Variants in LSAMP observed in about 807,000 individuals in gnomAD.
LSAMP encodes the protein limbic system-associated membrane protein.
LSAMP carries 7 observed loss-of-function variants against 38.6 expected under a neutral mutation model. That is an observed-to-expected ratio of 0.18 (90% CI 0.10 to 0.34). The LOEUF (loss-of-function observed/expected upper bound fraction) is 0.34. Among genes scored for constraint, LSAMP ranks in the 10% least tolerant of loss-of-function variants. The pLI is 1.00. For missense variants in LSAMP, 313 were observed against 420.0 expected (o/e 0.75, Z 2.23); for synonymous variants, 154 against 166.8 (o/e 0.92, Z 0.59).
At chr3:115,929,242 A>G (rs930440281) in intron 3 of LSAMP, among the ~76,000 whole-genome samples, 27 of 152,116 alleles carry the variant, frequency 1.8e-4, no homozygotes, top group Non-Finnish European at 3.2e-4. Flanking sequence ...TAAAACTCCA[A>G]ACTAACAAAA....
chr3:116,340,634 T>G (rs2047980158), intron 1 of LSAMP, among the ~76,000 whole-genome samples: 1 of 152,072 alleles, frequency 6.6e-6, no homozygotes, highest in African/African-American at 2.4e-5. Context: ...GTAGTATTTA[T>G]GTTAGAAAAA....
Position 116,089,351 on chromosome 3 carries a change from C to CT in LSAMP, c.156-2796dup, listed in dbSNP as rs559724566. Among the ~76,000 whole-genome samples the CT allele has an allele frequency of 2.3e-3, 351 of 152,038 alleles. 1 individual carries two copies. The highest frequency in any genetic ancestry group is 7.9e-3 in the African/African-American group (327 of 41,484). Reference sequence around the variant, plus strand: ...AATAGTATATTAGAATACACATATACTTTTTTTTGTTTTGTTTTGTTTTTG... The same window carrying CT: ...AATAGTATATTAGAATACACATATACTTTTTTTTTGTTTTGTTTTGTTTTTG... On this transcript the variant is annotated intron_variant, in intron 1 of 6. Transcript: ENST00000490035.
chr3:115,993,525 T>C (rs1042839500), intron 3 of LSAMP, among the ~76,000 whole-genome samples: 2 of 152,120 alleles, frequency 1.3e-5, no homozygotes, highest in African/African-American at 4.8e-5. Flanking sequence ...TTGAAATTTG[T>C]TCATAACTTG....
chr3:116,212,678 A>G (rs1002592244), intron 1 of LSAMP, among the ~76,000 whole-genome samples: 1 of 152,238 alleles, frequency 6.6e-6, no homozygotes, highest in African/African-American at 2.4e-5. Flanking sequence ...CCTTATAAAA[A>G]TCATCAAAAC....
At chr3:116,298,852 G>C (rs1576491586) in intron 1 of LSAMP, among the ~76,000 whole-genome samples, 1 of 152,082 alleles carries the variant, frequency 6.6e-6, no homozygotes, top group East Asian at 1.9e-4. Context: ...GGTCCTTATA[G>C]CAAGCAGAAG....
At chr3:116,343,368 A>G (rs146069168) in intron 1 of LSAMP, among the ~76,000 whole-genome samples, 2 of 152,262 alleles carry the variant, frequency 1.3e-5, no homozygotes, top group East Asian at 3.9e-4. Context: ...TAGATCTGCC[A>G]CTGACTGGCC....
At chr3:116,066,273 C>G (rs1158698443) in intron 2 of LSAMP, among the ~76,000 whole-genome samples, 1 of 152,094 alleles carries the variant, frequency 6.6e-6, no homozygotes, top group African/African-American at 2.4e-5. Context: ...TCCCAAATAC[C>G]ACATTTCCAA....
At chr3:115,925,043 G>A (rs1937467262) in intron 3 of LSAMP, among the ~76,000 whole-genome samples, 1 of 152,180 alleles carries the variant, frequency 6.6e-6, no homozygotes, top group Admixed American at 6.5e-5. Flanking sequence ...TTCCCTGCCT[G>A]TGGGGCTCAT....
chr3:115,955,612 G>A (rs1938429677), intron 3 of LSAMP, among the ~76,000 whole-genome samples: 1 of 140,764 alleles, frequency 7.1e-6, no homozygotes, highest in African/African-American at 2.5e-5. Context: ...AACTGCTGAT[G>A]GGTAAAGAAG....
intron 1 of LSAMP, among the ~76,000 whole-genome samples, chr3:116,440,195 A>G (rs1166214264): frequency 6.6e-6 from 1 of 152,204 alleles, no homozygotes; most frequent in African/African-American, 2.4e-5. Flanking sequence ...GCTGTAAATT[A>G]TGCCCTGGAG....
At chr3:115,975,050 GTGTTCCTGAGCCAATA>G (rs750269222) in intron 3 of LSAMP, among the ~76,000 whole-genome samples, 2 of 152,160 alleles carry the variant, frequency 1.3e-5, no homozygotes, top group Non-Finnish European at 2.9e-5. Context: ...ACATCTTGGA[GTGTTCCTGAGCCAATA>G]ATGAGATTGT....
intron 1 of LSAMP, among the ~76,000 whole-genome samples, chr3:116,390,982 T>A (rs1214578551): frequency 6.6e-6 from 1 of 152,104 alleles, no homozygotes; most frequent in Non-Finnish European, 1.5e-5. Flanking sequence ...GGGCTGCTGG[T>A]TTGTTCTAAC....
chr3:115,878,453 C>CTTTTTT (rs3087024), intron 3 of LSAMP, among the ~76,000 whole-genome samples: 5 of 55,538 alleles, frequency 9.0e-5, no homozygotes, highest in Admixed American at 2.8e-4. Flanking sequence ...ACATGCTATT[C>CTTTTTT]TTTTTTTTTT....
In LSAMP at chr3:116,100,791, T is replaced by A. The variant is rs138705252; in HGVS notation, c.156-14235A>T. On this transcript the variant is annotated intron_variant, in intron 1 of 6. Coordinates refer to ENST00000490035, the MANE Select transcript of LSAMP (RefSeq NM_002338.5). ...TTAACCTAGCTTTCCAACCCCGATC[T>A]CTTGACATTACACTCCTTTTGCTAT... is the stretch of plus-strand genomic sequence containing the variant. 9.6e-4 allele frequency among the ~76,000 whole-genome samples: 146 copies of A among 152,338 alleles called. 1 individual carries two copies. Among genetic ancestry groups the A allele is most frequent in the African/African-American group, 3.4e-3 (142 of 41,576 alleles).
intron 2 of LSAMP, among the ~76,000 whole-genome samples, chr3:116,058,061 T>C (rs1941524244): frequency 6.6e-6 from 1 of 152,032 alleles, no homozygotes. Flanking sequence ...GGGAGTTAGA[T>C]GCCATACATT....
At chr3:116,165,793 A>T (rs184105049) in intron 1 of LSAMP, among the ~76,000 whole-genome samples, 2 of 152,198 alleles carry the variant, frequency 1.3e-5, no homozygotes, top group Admixed American at 1.3e-4. Flanking sequence ...CAAACTTCTT[A>T]TCACCAGGGG....
intron 6 of LSAMP, among the ~76,000 whole-genome samples, chr3:115,815,223 GTTAA>G: frequency 6.6e-6 from 1 of 152,154 alleles, no homozygotes; most frequent in Non-Finnish European, 1.5e-5. Flanking sequence ...TATTATTGTA[GTTAA>G]TCTCTTACGG....
At chr3:116,082,255 T>C (rs572475571) in intron 2 of LSAMP, among the ~76,000 whole-genome samples, 8 of 152,338 alleles carry the variant, frequency 5.3e-5, no homozygotes, top group Admixed American at 2.0e-4. Flanking sequence ...AAGGCTCTAG[T>C]ACCTGCTCTG....
intron 3 of LSAMP, among the ~76,000 whole-genome samples, chr3:115,870,448 T>C (rs772176200): frequency 3.9e-5 from 6 of 152,174 alleles, no homozygotes; most frequent in Non-Finnish European, 8.8e-5. Flanking sequence ...TCAGTACATT[T>C]ACATTTTTAG....
Sources: allele counts gnomAD v4.1 joint callset (sites outside exome capture counted in the v4.1 genomes callset), GRCh38; gene constraint gnomAD v4.1.1; transcripts MANE v1.5; gene names NCBI Gene and HGNC (gene_info 2026-07-23, HGNC 2026-07-21).